FGF13: variants seen among roughly 807,000 people sequenced by gnomAD.
FGF13 encodes the protein fibroblast growth factor 13, also known as fibroblast growth factor homologous factor 2.
FGF13 carries 2 observed loss-of-function variants against 19.5 expected under a neutral mutation model. The observed-to-expected ratio is 0.10, with a 90% CI of 0.04 to 0.32. The LOEUF (loss-of-function observed/expected upper bound fraction) is 0.32. Ranked by LOEUF, FGF13 falls within the 10% of genes least tolerant of loss-of-function variation. The probability of loss-of-function intolerance (pLI) is 1.00; values close to 1 mark genes in which losing one functional copy is unlikely to be tolerated. For synonymous variants in FGF13, 72 were observed against 76.9 expected, an observed-to-expected ratio of 0.94 and a Z score of 0.33; for missense variants, 113 against 192.7, an observed-to-expected ratio of 0.59 and a Z score of 2.45.
At chrX:139,137,839 G>A (rs186443837) in intron 1 of FGF13, among the ~76,000 whole-genome samples, 5 of 111,901 alleles carry the variant, frequency 4.5e-5, no homozygotes, top group African/African-American at 1.6e-4. Flanking sequence ...ATGGTCACAC[G>A]GCCAGTTCAA....
At chrX:138,883,148 A>G (rs1295667449) in intron 1 of FGF13, among the ~76,000 whole-genome samples, 1 of 112,392 alleles carries the variant, frequency 8.9e-6, no homozygotes, top group Non-Finnish European at 1.9e-5. Flanking sequence ...CTGCAGTGTC[A>G]GCACTCATTT....
intron 1 of FGF13, among the ~76,000 whole-genome samples, chrX:139,154,695 C>T (rs1194826546): frequency 2.7e-5 from 3 of 111,877 alleles, no homozygotes; most frequent in Non-Finnish European, 5.6e-5. Flanking sequence ...CAAGTGTAGT[C>T]AGGAGCCCTA....
intron 1 of FGF13, among the ~76,000 whole-genome samples, chrX:138,911,663 A>G (rs752430318): frequency 8.9e-6 from 1 of 111,956 alleles, no homozygotes; most frequent in Admixed American, 9.5e-5. Flanking sequence ...TCCCACTTGG[A>G]AGTATTTGCT....
chrX:138,858,655 G>T (rs1247990789), intron 2 of FGF13, among the ~76,000 whole-genome samples: 3 of 111,145 alleles, frequency 2.7e-5, no homozygotes, highest in Non-Finnish European at 5.7e-5. Context: ...ATGACGAGCT[G>T]ACTCATTCTA....
At chrX:138,716,143 C>T (rs1333087095), upstream of FGF13, 2 of 112,397 alleles carry the variant, frequency 1.8e-5, no homozygotes, top group Non-Finnish European at 3.8e-5. Flanking sequence ...CCAGTTTGTT[C>T]TCCTTCTACA....
At chrX:138,891,626 T>A (rs1482903024) in intron 1 of FGF13, among the ~76,000 whole-genome samples, 1 of 111,494 alleles carries the variant, frequency 9.0e-6, no homozygotes, top group Non-Finnish European at 1.9e-5. Flanking sequence ...ATTCTGCGTG[T>A]CAACTTGATT....
Position 138,711,074 on chromosome X carries a change from C to G in FGF13, c.-71G>C. The G allele has an allele frequency of 8.5e-7, 1 of 1,179,961 alleles. No individual in the cohort carries two copies. The highest frequency in any genetic ancestry group is 1.1e-6 in the Non-Finnish European group (1 of 882,805). ...GGTTCGCCTCCTCCTCCTTCTCCTCCGCTGCTTGTCCGCTGTCTCGCGACT... is the reference window on the plus strand; with the variant it reads ...GGTTCGCCTCCTCCTCCTTCTCCTCGGCTGCTTGTCCGCTGTCTCGCGACT... On this transcript the variant is annotated 5_prime_UTR_variant, in exon 1 of 5. Transcript: ENST00000315930.
rs1169077361 is a variant in FGF13, at chrX:139,139,393, G to T, written c.-113+64023C>A. Among the ~76,000 whole-genome samples, 10 of 111,906 alleles carry T rather than the reference G, an allele frequency of 8.9e-5. No homozygotes were observed. The Admixed American group carries it at 9.5e-4, about 11-fold the overall frequency. ...CATGTGCACACAGAAATGCTTACCT[G>T]GGAATTAACAGATCACTCAAAGTCC... is the stretch of plus-strand genomic sequence containing the variant. On this transcript the variant is annotated intron_variant, in intron 1 of 2. Transcript: ENST00000421460.
At chrX:139,000,840 A>T (rs2092069752) in intron 1 of FGF13, among the ~76,000 whole-genome samples, 1 of 111,961 alleles carries the variant, frequency 8.9e-6, no homozygotes, top group Admixed American at 9.5e-5. Context: ...AACAACTTTA[A>T]ATTTCATATG....
intron 1 of FGF13, among the ~76,000 whole-genome samples, chrX:138,728,779 G>C (rs1429799744): frequency 1.8e-5 from 2 of 110,695 alleles, no homozygotes; most frequent in Non-Finnish European, 3.8e-5. Context: ...CTGTTGTGAA[G>C]TGTAAAAAAT....
In FGF13 at chrX:138,627,604, TGTGTGTGTGTGTGTGTGTGTGTGCGC is replaced by T. The variant is rs1479264607; in HGVS notation, c.*5220_*5245del. The T allele has an allele frequency of 1.4e-3, 130 of 91,256 alleles. No homozygotes were observed. The highest frequency in any genetic ancestry group is 5.5e-3 in the African/African-American group (125 of 22,907). 7.5% of individuals were successfully genotyped at this position (91,256 alleles called of 1,213,427 possible). A position where few individuals can be genotyped will look rare whatever the true frequency, so the allele number is the denominator to read the frequency against. ...CATCTAGTGTGTGTGTGCCTGTGTG[TGTGTGTGTGTGTGTGTGTGTGTGCGC>T]GTGTGTGTGTGTGTGTGTGTGAAGT... On this transcript the variant is annotated 3_prime_UTR_variant, in exon 5 of 5. Coordinates refer to ENST00000315930, the MANE Select transcript of FGF13 (RefSeq NM_004114.5).
chrX:138,812,857 C>A (rs2090936612), intron 3 of FGF13, among the ~76,000 whole-genome samples: 1 of 110,598 alleles, frequency 9.0e-6, no homozygotes. Flanking sequence ...CTCAACCCCA[C>A]CCTGTAACAG....
chrX:139,119,848 C>T (rs944194553), intron 1 of FGF13, among the ~76,000 whole-genome samples: 7 of 112,668 alleles, frequency 6.2e-5, no homozygotes, highest in African/African-American at 1.9e-4. Flanking sequence ...CCCCATTTTA[C>T]AGATGAGGCA....
chrX:138,689,146 T>C (rs2124205332), intron 3 of FGF13, among the ~76,000 whole-genome samples: 1 of 111,729 alleles, frequency 9.0e-6, no homozygotes, highest in South Asian at 3.8e-4. Context: ...GCCTTTCATT[T>C]TCATTTTGAT....
chrX:138,709,357 C>T (rs536546647), intron 1 of FGF13, among the ~76,000 whole-genome samples: 2 of 112,304 alleles, frequency 1.8e-5, no homozygotes, highest in African/African-American at 6.5e-5. Flanking sequence ...CAAAGATTTC[C>T]TTCAGAATGA....
chrX:138,635,310 A>C, intron 4 of FGF13, 147 bp downstream of exon 4: 1 of 508,495 alleles, frequency 2.0e-6, no homozygotes, highest in Admixed American at 3.4e-5. Flanking sequence ...TGCTTGGGTG[A>C]TGAGTGCACC....
At chrX:138,785,384 C>A (rs1158509676) in intron 3 of FGF13, among the ~76,000 whole-genome samples, 1 of 111,801 alleles carries the variant, frequency 8.9e-6, no homozygotes, top group African/African-American at 3.3e-5. Context: ...CTTTCACAAC[C>A]AAATCTCTTT....
chrX:138,913,453 C>T (rs888002586), intron 1 of FGF13, among the ~76,000 whole-genome samples: 14 of 109,896 alleles, frequency 1.3e-4, no homozygotes, highest in African/African-American at 4.3e-4. Context: ...CGTGAGCCAC[C>T]GCACCCGGCC....
At chrX:138,707,960 G>A (rs767349524) in intron 2 of FGF13, among the ~76,000 whole-genome samples, 5 of 112,016 alleles carry the variant, frequency 4.5e-5, no homozygotes, top group Non-Finnish European at 7.5e-5. Flanking sequence ...ATATTAATGC[G>A]AAATTATCAA....
Sources: allele counts gnomAD v4.1 joint callset (sites outside exome capture counted in the v4.1 genomes callset), GRCh38; gene constraint gnomAD v4.1.1; transcripts MANE v1.5; gene names NCBI Gene and HGNC (gene_info 2026-07-23, HGNC 2026-07-21).